Variants in LRPPRC observed in about 807,000 individuals in gnomAD.
LRPPRC encodes the protein leucine-rich PPR motif-containing protein, mitochondrial.
Under a neutral mutation model 180.3 loss-of-function variants are expected in LRPPRC, and 120 were observed. The ratio of observed to expected loss-of-function variants is 0.67; its 90% CI spans 0.57 to 0.77. The LOEUF is 0.77. LRPPRC is among the 30% of genes least tolerant of loss of function. LRPPRC has a pLI of 0.00. For synonymous variants in LRPPRC, 723 were observed against 600.0 expected, an observed-to-expected ratio of 1.21 and a Z score of -3.00; for missense variants, 2,012 against 1,657.2, an observed-to-expected ratio of 1.21 and a Z score of -3.72.
intron 27 of LRPPRC, among the ~76,000 whole-genome samples, chr2:43,922,012 GT>G (rs1234591539): frequency 6.6e-6 from 1 of 152,136 alleles, no homozygotes; most frequent in Non-Finnish European, 1.5e-5. Flanking sequence ...ATAAGAAAAT[GT>G]TTGTCATATA....
chr2:43,959,594 TCTTA>T (rs1673256176), intron 13 of LRPPRC, among the ~76,000 whole-genome samples: 1 of 152,318 alleles, frequency 6.6e-6, no homozygotes, highest in African/African-American at 2.4e-5. Context: ...CTTAAGAACG[TCTTA>T]TTTATTAATT....
At chr2:43,949,372 A>G (rs184391739) in intron 16 of LRPPRC, among the ~76,000 whole-genome samples, 79 of 152,340 alleles carry the variant, frequency 5.2e-4, no homozygotes, top group Admixed American at 1.7e-3. Flanking sequence ...ACATTTCCCC[A>G]ATATCTGAAA....
At chr2:43,906,123 T>G (rs1197519317) in intron 30 of LRPPRC, among the ~76,000 whole-genome samples, 2 of 147,248 alleles carry the variant, frequency 1.4e-5, no homozygotes, top group Non-Finnish European at 3.0e-5. Context: ...AGCTGGATAC[T>G]TTTTTTTTTC....
intron 23 of LRPPRC, among the ~76,000 whole-genome samples, chr2:43,941,851 A>C (rs913760733): frequency 2.6e-5 from 4 of 151,324 alleles, no homozygotes. Context: ...AAAAAAAAAA[A>C]AAAAAAACTA....
chr2:43,915,053 CAAAAAAAAAAAAAAAAAAAAAA>C (rs71393213), intron 29 of LRPPRC, among the ~76,000 whole-genome samples: 17 of 96,896 alleles, frequency 1.8e-4, no homozygotes, highest in African/African-American at 6.1e-4. Context: ...ACTAAAAATA[CAAAAAAAAAAAAAAAAAAAAAA>C]AAAAATTAGT....
intron 2 of LRPPRC, among the ~76,000 whole-genome samples, chr2:43,981,943 T>C (rs1038389138): frequency 2.0e-5 from 3 of 152,258 alleles, no homozygotes; most frequent in African/African-American, 7.2e-5. Context: ...TGTCTCTCTC[T>C]GTCGCCCAGG....
chr2:43,950,965 G>A (rs1423893598), intron 14 of LRPPRC, among the ~76,000 whole-genome samples: 1 of 152,200 alleles, frequency 6.6e-6, no homozygotes, highest in Non-Finnish European at 1.5e-5. Flanking sequence ...GGCTACTCGG[G>A]AGGCTGAGGC....
chr2:43,965,244 A>G (rs1419934862), intron 11 of LRPPRC, among the ~76,000 whole-genome samples: 1 of 152,060 alleles, frequency 6.6e-6, no homozygotes, highest in Non-Finnish European at 1.5e-5. Context: ...TCGTGATCCT[A>G]GAGATGGGGT....
At position 43,889,706 on chromosome 2, in the gene LRPPRC, T is replaced by A. The variant is rs746594599; in HGVS notation, c.4128+28A>T. The A allele has an allele frequency of 2.1e-5, 33 of 1,576,072 alleles. No individual in the cohort carries two copies. The Admixed American group carries it at 3.2e-4, about 15-fold the overall frequency. The stretch of plus-strand genomic sequence containing the variant: ...AGTGCACATAAATCTGCAGAGGTAT[T>A]TTTTCCCCTTAATTAAGAAATACTC... On this transcript the variant is annotated intron_variant, in intron 37 of 37. Coordinates refer to ENST00000260665, the MANE Select transcript of LRPPRC (RefSeq NM_133259.4).
At chr2:43,927,725 T>G (rs1309411295) in intron 25 of LRPPRC, among the ~76,000 whole-genome samples, 1 of 152,196 alleles carries the variant, frequency 6.6e-6, no homozygotes, top group Non-Finnish European at 1.5e-5. Context: ...TATGACATAC[T>G]CTTTCTGTTT....
In LRPPRC at chr2:43,977,199, C is replaced by A; in HGVS notation, c.547G>T (p.Asp183Tyr). 6.2e-7 allele frequency: 1 copy of A among 1,608,240 alleles called. No individual in the cohort carries two copies. Among genetic ancestry groups the A allele is most frequent in the South Asian group, 1.1e-5 (1 of 90,964 alleles). The part of the protein sequence containing the change: ...LQNEYKFSPT[D>Y]FLAKMEEANI... ...GCTTCCTCCATTTTTGCCAGGAAATCAGTTGGTGAGAATTTATATTCATTT... is the reference window on the plus strand; with the variant it reads ...GCTTCCTCCATTTTTGCCAGGAAATAAGTTGGTGAGAATTTATATTCATTT... The change falls in exon 4 of 38, where the codon GAT becomes TAT. Residue 183 changes from aspartate to tyrosine, a missense_variant. Transcript: ENST00000260665.
At chr2:43,963,950 A>C (rs1673456706) in intron 11 of LRPPRC, 4 of 554,982 alleles carry the variant, frequency 7.2e-6, no homozygotes, top group Non-Finnish European at 1.3e-5. Flanking sequence ...TATAAGTATA[A>C]AGAAACTTGA....
At chr2:43,943,940 G>A (rs1447764286) in intron 22 of LRPPRC, 46 bp from the exon 23 acceptor site, 2 of 1,346,548 alleles carry the variant, frequency 1.5e-6, no homozygotes, top group Admixed American at 1.7e-5. Flanking sequence ...TTCATGTAGG[G>A]AAAACAAACT....
At chr2:43,917,820 T>C (rs771715788) in intron 29 of LRPPRC, among the ~76,000 whole-genome samples, 1 of 152,030 alleles carries the variant, frequency 6.6e-6, no homozygotes, top group Admixed American at 6.6e-5. Flanking sequence ...AATTCCTTAA[T>C]ATTATCTACC....
At chr2:43,901,579 T>C (rs1171056993) in intron 31 of LRPPRC, 55 bp from the exon 32 acceptor site, 19 of 1,162,530 alleles carry the variant, frequency 1.6e-5, no homozygotes, top group South Asian at 1.5e-4. Context: ...CTGACTTTAA[T>C]GCATTTTGAA....
At chr2:43,950,634 C>G (rs755660242) in intron 14 of LRPPRC, 34 bp from the exon 15 acceptor site, 3 of 1,559,004 alleles carry the variant, frequency 1.9e-6, no homozygotes, top group Admixed American at 3.3e-5. Flanking sequence ...AAAATAAACC[C>G]AGGTTTATTT....
intron 13 of LRPPRC, 50 bp from the exon 14 acceptor site, chr2:43,957,501 A>C (rs1206072006): frequency 1.5e-6 from 2 of 1,311,856 alleles, no homozygotes; most frequent in Admixed American, 1.7e-5. Flanking sequence ...CAAATTTAAA[A>C]ACCCTGTATT....
chr2:43,893,850 G>A (rs1444377627), intron 36 of LRPPRC, among the ~76,000 whole-genome samples: 1 of 152,108 alleles, frequency 6.6e-6, no homozygotes, highest in Admixed American at 6.5e-5. Context: ...TCTTGAGTCT[G>A]TTGTCCTCCC....
chr2:43,985,770 A>C (rs1224820457), intron 1 of LRPPRC, among the ~76,000 whole-genome samples: 1 of 152,256 alleles, frequency 6.6e-6, no homozygotes, highest in Non-Finnish European at 1.5e-5. Flanking sequence ...TTTGACAATT[A>C]TGAATAAAGC....
Sources: allele counts gnomAD v4.1 joint callset (sites outside exome capture counted in the v4.1 genomes callset), GRCh38; gene constraint gnomAD v4.1.1; transcripts MANE v1.5; gene names NCBI Gene and HGNC (gene_info 2026-07-23, HGNC 2026-07-21).